Variants in SMARCC1 observed in about 807,000 individuals in gnomAD.
SMARCC1 encodes the protein SWI/SNF related BAF chromatin remodeling complex subunit C1.
SMARCC1 carries 43 observed loss-of-function variants against 147.4 expected under a neutral mutation model. The ratio of observed to expected loss-of-function variants is 0.29; its 90% confidence interval spans 0.23 to 0.38. The LOEUF (loss-of-function observed/expected upper bound fraction) is 0.38. Ranked by LOEUF, SMARCC1 falls within the 10% of genes least tolerant of loss-of-function variation. SMARCC1 has a pLI of 1.00. For missense variants in SMARCC1, 1,119 were observed against 1,381.1 expected (o/e 0.81, Z 3.01); for synonymous variants, 495 against 484.4 (o/e 1.02, Z -0.29).
intron 18 of SMARCC1, among the ~76,000 whole-genome samples, chr3:47,674,851 G>A (rs1198392128): frequency 3.3e-5 from 5 of 152,056 alleles, no homozygotes; most frequent in Non-Finnish European, 5.9e-5. Flanking sequence ...TCTCTTATGG[G>A]TTTCTAATGA....
intron 11 of SMARCC1, among the ~76,000 whole-genome samples, chr3:47,695,762 C>CAA (rs755840430): frequency 0.022 from 1,299 of 59,842 alleles, 37 homozygotes; most frequent in African/African-American, 0.063. Context: ...GATTCTGTCT[C>CAA]AAAAAAAAAA....
chr3:47,687,308 A>G (rs1377798847), intron 13 of SMARCC1, among the ~76,000 whole-genome samples: 1 of 152,186 alleles, frequency 6.6e-6, no homozygotes, highest in Non-Finnish European at 1.5e-5. Flanking sequence ...ACCTGTTTTT[A>G]TTTTGGCTTT....
At chr3:47,608,421 T>G (rs1576386002) in intron 26 of SMARCC1, among the ~76,000 whole-genome samples, 1 of 152,146 alleles carries the variant, frequency 6.6e-6, no homozygotes, top group Non-Finnish European at 1.5e-5. Context: ...TTCTGAACGC[T>G]CAATTCTAAA....
At chr3:47,777,363 G>A (rs1366025822) in intron 1 of SMARCC1, among the ~76,000 whole-genome samples, 9 of 151,726 alleles carry the variant, frequency 5.9e-5, no homozygotes, top group Non-Finnish European at 7.4e-5. Flanking sequence ...GATTACAGGC[G>A]TGAGACACCA....
rs540427873 is a variant in SMARCC1, at chr3:47,607,063, G to C, written c.3043+3003C>G. ...TATTGTTCTTGAAAAATTACTTTGA[G>C]ATGTGAACTCTTAAGCATTTGTATC... On this transcript the variant is annotated intron_variant, in intron 26 of 27. Transcript: ENST00000254480. Among the ~76,000 whole-genome samples the C allele has an allele frequency of 7.2e-5, 11 of 152,148 alleles. 1 individual carries two copies. The South Asian group carries it at 2.3e-3, about 32-fold the overall frequency.
In SMARCC1 at chr3:47,718,230, A is replaced by G. The variant is rs924490311; in HGVS notation, c.716+2436T>C. On this transcript the variant is annotated intron_variant, in intron 7 of 27. Coordinates refer to ENST00000254480, the MANE Select transcript of SMARCC1 (RefSeq NM_003074.4). ...GAGGCCAAGGTGGGTGGATCACCTG[A>G]GGTCAGGAGTTTGAAACCAGCCTGG... Among the ~76,000 whole-genome samples, 11 of 150,908 alleles carry G rather than the reference A, an allele frequency of 7.3e-5. No homozygotes were observed. In the Admixed American group the frequency reaches 7.3e-4, roughly 10 times the overall value.
At chr3:47,659,194 C>A (rs2033304682) in intron 21 of SMARCC1, among the ~76,000 whole-genome samples, 1 of 149,676 alleles carries the variant, frequency 6.7e-6, no homozygotes, top group African/African-American at 2.5e-5. Context: ...GACACGATGG[C>A]TTTACCAGTG....
At chr3:47,646,269 G>A (rs572400885) in intron 21 of SMARCC1, among the ~76,000 whole-genome samples, 41 of 152,100 alleles carry the variant, frequency 2.7e-4, no homozygotes, top group Admixed American at 1.4e-3. Context: ...TATATCTCTT[G>A]AAAAAAGAAA....
intron 2 of SMARCC1, among the ~76,000 whole-genome samples, chr3:47,762,748 CCT>C (rs1391439977): frequency 6.6e-6 from 1 of 151,994 alleles, no homozygotes; most frequent in Non-Finnish European, 1.5e-5. Flanking sequence ...ATGGTGAAAC[CCT>C]GTCGCTACTA....
chr3:47,609,863 A>T (rs1428625065), intron 26 of SMARCC1, among the ~76,000 whole-genome samples: 1 of 152,232 alleles, frequency 6.6e-6, no homozygotes, highest in Non-Finnish European at 1.5e-5. Flanking sequence ...CTCAACAAAA[A>T]GGCATCATAC....
intron 26 of SMARCC1, among the ~76,000 whole-genome samples, chr3:47,592,456 C>T (rs1366802841): frequency 6.6e-6 from 1 of 152,180 alleles, no homozygotes; most frequent in African/African-American, 2.4e-5. Flanking sequence ...ACCATTTAAA[C>T]TATAAAAACC....
chr3:47,709,187 G>T (rs1455695114), intron 9 of SMARCC1, among the ~76,000 whole-genome samples: 1 of 151,802 alleles, frequency 6.6e-6, no homozygotes, highest in Admixed American at 6.6e-5. Context: ...CTTGAACCCA[G>T]GAGGCAGACA....
chr3:47,781,581 C>A, intron 1 of SMARCC1, 22 bp downstream of exon 1: 1 of 1,505,428 alleles, frequency 6.6e-7, no homozygotes, highest in East Asian at 2.7e-5. Flanking sequence ...GTCTCCCGGC[C>A]CCCACGGGCG....
Position 47,632,336 on chromosome 3 carries a change from C to G in SMARCC1, c.2646+2854G>C, listed in dbSNP as rs147262681. On this transcript the variant is annotated intron_variant, in intron 24 of 27. Coordinates refer to ENST00000254480, the MANE Select transcript of SMARCC1 (RefSeq NM_003074.4). ...TTTTTTTTGTAGAGACAGAGTCTCA[C>G]TATGCTGCCCAGGCTGGTCCTGAAC... is the stretch of plus-strand genomic sequence containing the variant. Among the ~76,000 whole-genome samples, 58 of 152,114 alleles carry G rather than the reference C, an allele frequency of 3.8e-4. 2 individuals carry two copies. The East Asian group carries it at 0.011, about 28-fold the overall frequency.
At position 47,725,494 on chromosome 3, in the gene SMARCC1, A is replaced by G. The variant is rs940236894; in HGVS notation, c.646+3531T>C. On this transcript the variant is annotated intron_variant, in intron 6 of 27. Transcript: ENST00000254480. ...GAGATGGAGTCTCACTCTGTTGTAC[A>G]GGCTGGAGCACAGTGATGCCATCTT... is the stretch of plus-strand genomic sequence containing the variant. Among the ~76,000 whole-genome samples, 6 of 152,196 alleles carry G rather than the reference A, an allele frequency of 3.9e-5. No individual in the cohort carries two copies. The East Asian group carries it at 1.2e-3, about 29-fold the overall frequency.
At chr3:47,610,384 T>A in intron 25 of SMARCC1, 57 bp from the exon 26 acceptor site, 1 of 1,594,914 alleles carries the variant, frequency 6.3e-7, no homozygotes, top group East Asian at 2.2e-5. Context: ...CAGGATTGGA[T>A]AACACAAAGG....
chr3:47,689,996 G>A (rs2033772528), intron 12 of SMARCC1, among the ~76,000 whole-genome samples: 1 of 152,190 alleles, frequency 6.6e-6, no homozygotes, highest in Non-Finnish European at 1.5e-5. Context: ...TTATATGCCT[G>A]TAATATTTAA....
intron 5 of SMARCC1, among the ~76,000 whole-genome samples, chr3:47,729,826 T>G (rs2034346982): frequency 6.6e-6 from 1 of 152,216 alleles, no homozygotes; most frequent in African/African-American, 2.4e-5. Flanking sequence ...AAGTTCAGTT[T>G]CAGACCACCG....
chr3:47,663,775 G>A (rs1020612405), intron 19 of SMARCC1: 12 of 1,570,820 alleles, frequency 7.6e-6, no homozygotes, highest in Non-Finnish European at 9.6e-6. Flanking sequence ...TAGGTTGCCT[G>A]GCCACGGCGG....
Sources: gnomAD v4.1 joint callset for allele counts (sites outside exome capture counted in the v4.1 genomes callset) on GRCh38, gnomAD v4.1.1 for gene constraint, MANE v1.5 for transcripts, NCBI Gene and HGNC (gene_info 2026-07-23, HGNC 2026-07-21) for gene names.